Variants in ILDR2 observed in about 807,000 individuals in gnomAD.
ILDR2 encodes immunoglobulin-like domain-containing receptor 2.
ILDR2 carries 25 observed loss-of-function variants against 66.8 expected under a neutral mutation model. The ratio of observed to expected loss-of-function variants is 0.37; its 90% CI spans 0.27 to 0.52. The LOEUF (loss-of-function observed/expected upper bound fraction) is 0.52, where lower values mean the gene tolerates loss of function less well. Ranked by LOEUF, ILDR2 falls within the 20% of genes least tolerant of loss-of-function variation. ILDR2 has a pLI of 0.88. For synonymous variants in ILDR2, 367 were observed against 357.2 expected, an observed-to-expected ratio of 1.03 and a Z score of -0.31; for missense variants, 827 against 876.8, an observed-to-expected ratio of 0.94 and a Z score of 0.72.
In ILDR2 at chr1:166,956,786, G is replaced by A. The variant is rs936217384; in HGVS notation, c.446C>T (p.Thr149Ile). ...ATTTTTCCCCTCCAGGTCATCTGGG[G>A]TGGTGATAATACAGTAATAGAGTCC... ...DSGLYYCIIT[T>I]PDDLEGKNED... The change falls in exon 3 of 10, where the codon ACC (threonine) becomes ATC (isoleucine). Residue 149 changes from threonine (T) to isoleucine (I), a missense_variant. By Grantham distance (89) the Thr-to-Ile change is moderately conservative. Transcript: ENST00000271417. 1 of 1,614,020 alleles carries A rather than the reference G, an allele frequency of 6.2e-7. No individual in the cohort carries two copies. The highest frequency in any genetic ancestry group is 8.5e-7 in the Non-Finnish European group (1 of 1,179,916).
rs1659882594 is a variant in ILDR2, at chr1:166,920,872, G to A, written c.1719C>T (p.Thr573=). 28 of 1,496,330 alleles carry A rather than the reference G, an allele frequency of 1.9e-5. No homozygotes were observed. The highest frequency in any genetic ancestry group is 2.5e-5 in the Non-Finnish European group (28 of 1,127,676). The allele number at this position is 1,496,330 out of a possible 1,614,324, so 92.7% of individuals were successfully genotyped here. The change falls in exon 9 of 10, where the codon ACC becomes ACT. Residue 573 remains threonine (T), a synonymous_variant. Coordinates refer to ENST00000271417, the MANE Select transcript of ILDR2 (RefSeq NM_199351.3). ...CGTCCTGCGACGAGCCGGCCTTGTA[G>A]GTGCCGGGCGGCGACCAAGCGTAGT... ...ASYYAWSPPG[T]YKAGSSQDDQ...
At chr1:166,941,702 A>G (rs900652548) in intron 3 of ILDR2, among the ~76,000 whole-genome samples, 2 of 152,140 alleles carry the variant, frequency 1.3e-5, no homozygotes, top group Admixed American at 1.3e-4. Flanking sequence ...AGCACTTGTA[A>G]ATATATATCT....
Position 166,917,126 on chromosome 1 carries a change from G to A in ILDR2, c.*2229C>T, listed in dbSNP as rs1257059580. 1 of 152,210 alleles carries A rather than the reference G, an allele frequency of 6.6e-6. No individual in the cohort carries two copies. The highest frequency in any genetic ancestry group is 1.5e-5 in the Non-Finnish European group (1 of 68,060). 9.4% of individuals were successfully genotyped at this position (152,210 alleles called of 1,614,324 possible). A position where few individuals can be genotyped will look rare whatever the true frequency, so the allele number is the denominator to read the frequency against. On this transcript the variant is annotated 3_prime_UTR_variant, in exon 10 of 10. Transcript: ENST00000271417. The stretch of plus-strand genomic sequence containing the variant: ...TAGACCTAGGCTTTCAGAGGCCAGG[G>A]ACACCAGCAAGTCTAAAACTCAGCA...
intron 1 of ILDR2, among the ~76,000 whole-genome samples, chr1:166,967,422 G>A (rs1350957181): frequency 6.6e-6 from 1 of 152,224 alleles, no homozygotes; most frequent in Non-Finnish European, 1.5e-5. Context: ...TAGAAACGGA[G>A]GGGGAAGGGA....
intron 3 of ILDR2, among the ~76,000 whole-genome samples, chr1:166,956,397 C>G (rs1662284482): frequency 6.6e-6 from 1 of 151,826 alleles, no homozygotes; most frequent in Non-Finnish European, 1.5e-5. Context: ...TCAAAGGCCT[C>G]TAGCATTTTC....
intron 6 of ILDR2, among the ~76,000 whole-genome samples, chr1:166,934,186 T>TA (rs1357962759): frequency 1.3e-5 from 2 of 152,056 alleles, no homozygotes; most frequent in African/African-American, 4.8e-5. Flanking sequence ...CTCTCCACCC[T>TA]ACCCTGCCCC....
chr1:166,927,243 A>G lies in ILDR2; in HGVS notation c.881-63T>C, dbSNP rs1324504631. ...AAAATATCAGGAGAAGGAGGCCTCC[A>G]TTTATTTTACCAAGTAGAAAATAGG... On this transcript the variant is annotated intron_variant, in intron 6 of 9. Coordinates refer to ENST00000271417, the MANE Select transcript of ILDR2 (RefSeq NM_199351.3). The G allele has an allele frequency of 2.9e-6, 3 of 1,027,084 alleles. No homozygotes were observed. In the African/African-American group the frequency reaches 4.8e-5, roughly 17 times the overall value. The allele number at this position is 1,027,084 out of a possible 1,614,324, so 63.6% of individuals were successfully genotyped here. A position where few individuals can be genotyped will look rare whatever the true frequency, so the allele number is the denominator to read the frequency against.
Position 166,936,952 on chromosome 1 carries a change from G to T in ILDR2, c.557-215C>A, listed in dbSNP as rs2101906717. ...CGGGGAATGGAGAAGAGGGAAGAAG[G>T]TTATCTATGTTACATTGGGTACATG... On this transcript the variant is annotated intron_variant, in intron 4 of 9. Transcript: ENST00000271417. This position sits in a 1 kb window ranked among gnomAD's most constrained non-coding sequence, Gnocchi z 5.0. Among the ~76,000 whole-genome samples, 1 of 152,050 alleles carries T rather than the reference G, an allele frequency of 6.6e-6. No individual in the cohort carries two copies. Among genetic ancestry groups the T allele is most frequent in the East Asian group, 1.9e-4 (1 of 5,178 alleles).
In ILDR2 at chr1:166,921,489, C is replaced by T; in HGVS notation, c.1212-110G>A. 2 of 904,572 alleles carry T rather than the reference C, an allele frequency of 2.2e-6. No individual in the cohort carries two copies. The highest frequency in any genetic ancestry group is 3.2e-6 in the Non-Finnish European group (2 of 615,714). 56.0% of individuals were successfully genotyped at this position (904,572 alleles called of 1,614,324 possible). On this transcript the variant is annotated intron_variant, in intron 8 of 9. Transcript: ENST00000271417. This position sits in a 1 kb window ranked among gnomAD's most constrained non-coding sequence, Gnocchi z 5.3. The stretch of plus-strand genomic sequence containing the variant: ...GGGGCCACGCTCAGGAGACCTCGGC[C>T]TGAGCCTCAGCTCCGCTCCAGGCTG...
chr1:166,970,911 A>C (rs961927813), intron 1 of ILDR2, among the ~76,000 whole-genome samples: 3 of 152,202 alleles, frequency 2.0e-5, no homozygotes, highest in African/African-American at 7.2e-5. Flanking sequence ...AGAAATTGGA[A>C]GATATACAGG....
rs1659947394 is a variant in ILDR2 at position 166,921,593 on chromosome 1, CA to C, written c.1212-215del. ...GAGTCTATTCCACTCGTGTGCCACG[CA>C]TCAAAATGGGGTTGTGTGGATAGAA... On this transcript the variant is annotated intron_variant, in intron 8 of 9. Transcript: ENST00000271417. This position sits in a 1 kb window ranked among gnomAD's most constrained non-coding sequence, Gnocchi z 5.3. Among the ~76,000 whole-genome samples the C allele has an allele frequency of 6.6e-6, 1 of 152,208 alleles. No individual in the cohort carries two copies. The highest frequency in any genetic ancestry group is 1.5e-5 in the Non-Finnish European group (1 of 68,040).
chr1:166,943,441 G>A (rs576785223), intron 3 of ILDR2, among the ~76,000 whole-genome samples: 24 of 134,888 alleles, frequency 1.8e-4, no homozygotes, highest in African/African-American at 4.7e-4. Flanking sequence ...GCAGTGAGCC[G>A]AGATTGCACC....
chr1:166,922,931 G>A (rs1195805687), intron 7 of ILDR2, 122 bp from the exon 8 acceptor site: 2 of 810,792 alleles, frequency 2.5e-6, no homozygotes, highest in African/African-American at 3.4e-5. Flanking sequence ...TGCTGTCCAG[G>A]GTGGGTTGTA....
chr1:166,895,898 G>A (rs1336679213), exon 3 of ILDR2: 3 of 152,170 alleles, frequency 2.0e-5, no homozygotes, highest in Non-Finnish European at 2.9e-5. Flanking sequence ...AGCAAGCCCC[G>A]TTTGTTCAGA....
chr1:166,926,894 C>T (rs528349573), intron 7 of ILDR2, among the ~76,000 whole-genome samples, 173 bp downstream of exon 7: 1 of 152,036 alleles, frequency 6.6e-6, no homozygotes, highest in East Asian at 2.0e-4. Context: ...CACCAGAAGA[C>T]CTTTTTTTCC....
chr1:166,943,190 G>A (rs1468817483), intron 3 of ILDR2, among the ~76,000 whole-genome samples: 5 of 152,128 alleles, frequency 3.3e-5, no homozygotes, highest in African/African-American at 9.7e-5. Context: ...CAGCAGAGAC[G>A]GTGCAAAGCT....
rs1659896699 is a variant in ILDR2, at chr1:166,921,011, G to A, written c.1580C>T (p.Ser527Leu). 2 of 1,513,056 alleles carry A rather than the reference G, an allele frequency of 1.3e-6. No homozygotes were observed. Among genetic ancestry groups the A allele is most frequent in the Non-Finnish European group, 1.8e-6 (2 of 1,142,314 alleles). The allele number at this position is 1,513,056 out of a possible 1,614,324, so 93.7% of individuals were successfully genotyped here. ...TPGTAPKYDH[S>L]YLGSARERQA... ...GCGCTCCCGCGCGCTGCCCAGGTAC[G>A]AGTGGTCGTATTTGGGTGCGGTGCC... The change falls in exon 9 of 10, where the codon TCG (serine) becomes TTG (leucine). Residue 527 changes from serine to leucine, a missense_variant. By Grantham distance (145) the Ser-to-Leu change is moderately radical (BLOSUM62 -2). Transcript: ENST00000271417. This position sits in a 1 kb window ranked among gnomAD's most constrained non-coding sequence, Gnocchi z 5.3.
chr1:166,956,868 G>A lies in ILDR2; in HGVS notation c.380-16C>T. 1 of 1,613,002 alleles carries A rather than the reference G, an allele frequency of 6.2e-7. No homozygotes were observed. The highest frequency in any genetic ancestry group is 8.5e-7 in the Non-Finnish European group (1 of 1,179,514). On this transcript the variant is annotated splice_polypyrimidine_tract_variant and intron_variant, in intron 2 of 9. Coordinates refer to ENST00000271417, the MANE Select transcript of ILDR2 (RefSeq NM_199351.3). ...AGATCTGCATCTGTTATCACAAAAAGAAGGACTCAGTCCTAAAACTCTGTC... is the reference window on the plus strand; with the variant it reads ...AGATCTGCATCTGTTATCACAAAAAAAAGGACTCAGTCCTAAAACTCTGTC...
At chr1:166,975,147 G>C (rs1663521306) in intron 1 of ILDR2, 76 bp downstream of exon 1, 1 of 1,261,912 alleles carries the variant, frequency 7.9e-7, no homozygotes, top group Admixed American at 1.7e-5. Context: ...AAAATGGGGG[G>C]GCGGGGGGCG....
Sources: allele counts gnomAD v4.1 joint callset (sites outside exome capture counted in the v4.1 genomes callset), GRCh38; gene constraint gnomAD v4.1.1; non-coding constraint Gnocchi (gnomAD v3.1); transcripts MANE v1.5; gene names NCBI Gene and HGNC (gene_info 2026-07-23, HGNC 2026-07-21).